Variants in NOD1 observed in about 807,000 individuals in gnomAD.
NOD1 encodes nucleotide binding oligomerization domain containing 1, also known as nucleotide-binding oligomerization domain-containing protein 1.
A neutral mutation model predicts 81.2 loss-of-function variants in NOD1; 70 were observed. The observed-to-expected ratio is 0.86, with a 90% CI of 0.71 to 1.05. The LOEUF is 1.05. NOD1 is among the 50% of genes least tolerant of loss of function. The probability of loss-of-function intolerance (pLI) is 0.00; values close to 1 mark genes in which losing one functional copy is unlikely to be tolerated. For synonymous variants in NOD1, 508 were observed against 526.9 expected (o/e 0.96, Z 0.49); for missense variants, 1,233 against 1,228.0 (o/e 1.00, Z -0.06).
Position 30,456,789 on chromosome 7 carries a change from G to A in NOD1, c.133C>T (p.Leu45=). ...RNTQCLVDNL[L]KNDYFSAEDA... Reference sequence around the variant, plus strand: ...TCGGCCGAGAAGTAGTCATTCTTCAGCAAGTTGTCCACCAGACACTGAGTA... The same window carrying A: ...TCGGCCGAGAAGTAGTCATTCTTCAACAAGTTGTCCACCAGACACTGAGTA... Residue 45 remains leucine (L), a synonymous_variant, in exon 4 of 14, where the codon CTG becomes TTG. Coordinates refer to ENST00000222823, the MANE Select transcript of NOD1 (RefSeq NM_006092.4). 1 of 1,614,204 alleles carries A rather than the reference G, an allele frequency of 6.2e-7. No individual in the cohort carries two copies. The highest frequency in any genetic ancestry group is 2.2e-5 in the East Asian group (1 of 44,888).
rs773711996 is a variant in NOD1, at chr7:30,452,184, T to G, written c.1233A>C (p.Ser411=). The change falls in exon 6 of 14, where the codon TCA becomes TCC. Residue 411 remains serine (S), a synonymous_variant. Transcript: ENST00000222823. The stretch of plus-strand genomic sequence containing the variant: ...TCATCGTGCAGTCGGGCAGCTGTGG[T>G]GAGCCTTCAAAGGCAGCACGGAAGT... ...FQHFRAAFEG[S]PQLPDCTMTL... 7 of 1,613,924 alleles carry G rather than the reference T, an allele frequency of 4.3e-6. No individual in the cohort carries two copies. The highest frequency in any genetic ancestry group is 5.9e-6 in the Non-Finnish European group (7 of 1,179,998).
chr7:30,461,102 G>A (rs1416730161), intron 1 of NOD1, among the ~76,000 whole-genome samples: 1 of 152,204 alleles, frequency 6.6e-6, no homozygotes, highest in Non-Finnish European at 1.5e-5. Context: ...ATGGACAGGT[G>A]AAATTAATTT....
intron 8 of NOD1, 78 bp downstream of exon 8, chr7:30,446,889 T>C: frequency 2.5e-6 from 3 of 1,180,674 alleles, no homozygotes; most frequent in Non-Finnish European, 3.7e-6. Flanking sequence ...AGCTCTTTAC[T>C]GTGACATTTA....
Position 30,451,651 on chromosome 7 carries a change from T to C in NOD1, c.1766A>G (p.Asn589Ser), listed in dbSNP as rs138046644. 89 of 1,613,496 alleles carry C rather than the reference T, an allele frequency of 5.5e-5. No homozygotes were observed. Among genetic ancestry groups the C allele is most frequent in the Middle Eastern group, 1.6e-4 (1 of 6,084 alleles). ...FKNKDHFQFT[N>S]LFLCGLLSKA... ...GGACAACAGCCCGCACAGGAAGAGG[T>C]TGGTGAACTGGAAGTGATCCTTGTT... The change falls in exon 6 of 14, where the codon AAC (asparagine) becomes AGC (serine). Residue 589 changes from asparagine (N) to serine (S), a missense_variant. Coordinates refer to ENST00000222823, the MANE Select transcript of NOD1 (RefSeq NM_006092.4). This position sits in a 1 kb window ranked among gnomAD's most constrained non-coding sequence, Gnocchi z 4.2.
intron 1 of NOD1, chr7:30,460,343 T>C (rs1303574819): frequency 2.0e-6 from 2 of 985,298 alleles, no homozygotes; most frequent in Non-Finnish European, 2.4e-6. Context: ...AATCCTTTCC[T>C]TTCTTTGCTT....
intron 10 of NOD1, 143 bp downstream of exon 10, chr7:30,437,430 T>C (rs962694807): frequency 4.0e-6 from 2 of 496,230 alleles, no homozygotes; most frequent in African/African-American, 4.1e-5. Context: ...CTCTTATGCA[T>C]CAAAGAAAGG....
At chr7:30,448,261 C>T (rs1785317389) in intron 7 of NOD1, 37 bp downstream of exon 7, 4 of 1,465,764 alleles carry the variant, frequency 2.7e-6, no homozygotes, top group Middle Eastern at 1.7e-4. Flanking sequence ...TGTATTATTA[C>T]TAGGTAGTTG....
chr7:30,459,561 A>C (rs1181662550), intron 2 of NOD1, among the ~76,000 whole-genome samples: 2 of 152,244 alleles, frequency 1.3e-5, no homozygotes, highest in East Asian at 3.8e-4. Context: ...TTTGCAATAC[A>C]TAGAAAGTAA....
chr7:30,451,791 C>T lies in NOD1; in HGVS notation c.1626G>A (p.Arg542=), dbSNP rs369263969. 6.2e-7 allele frequency: 1 copy of T among 1,613,810 alleles called. No individual in the cohort carries two copies. Among genetic ancestry groups the T allele is most frequent in the South Asian group, 1.1e-5 (1 of 91,080 alleles). ...DDRVGTQELL[R]FFQEWMPPAG... ...CAGGGGGCATCCACTCCTGGAAGAA[C>T]CTGAGCAGCTCCTGAGTGCCCACCC... The change falls in exon 6 of 14, where the codon AGG becomes AGA. Residue 542 remains arginine, a synonymous_variant. Transcript: ENST00000222823. The surrounding 1 kb of genome is among the most constrained non-coding windows in gnomAD (Gnocchi z 4.2).
At chr7:30,439,273 C>A (rs1204645695) in intron 9 of NOD1, among the ~76,000 whole-genome samples, 1 of 150,978 alleles carries the variant, frequency 6.6e-6, no homozygotes, top group Non-Finnish European at 1.5e-5. Flanking sequence ...CGAATAGGAA[C>A]AGCTCCGGTC....
chr7:30,476,554 G>T (rs978414570), intron 1 of NOD1, among the ~76,000 whole-genome samples: 1 of 152,224 alleles, frequency 6.6e-6, no homozygotes, highest in Admixed American at 6.5e-5. Flanking sequence ...GATGTTGTCA[G>T]CAGGGAGCAA....
chr7:30,464,425 C>T (rs2128092243), intron 1 of NOD1, among the ~76,000 whole-genome samples: 1 of 152,376 alleles, frequency 6.6e-6, no homozygotes, highest in South Asian at 2.1e-4. Flanking sequence ...AGCACTTCCT[C>T]ATGTCCGGCC....
At chr7:30,430,790 T>C (rs993054032) in intron 12 of NOD1, among the ~76,000 whole-genome samples, 2 of 152,212 alleles carry the variant, frequency 1.3e-5, no homozygotes, top group Non-Finnish European at 2.9e-5. Flanking sequence ...CTTGTCACTG[T>C]TACTGCCCAA....
At chr7:30,470,095 C>T (rs1029641189) in intron 1 of NOD1, among the ~76,000 whole-genome samples, 1 of 152,248 alleles carries the variant, frequency 6.6e-6, no homozygotes, top group Admixed American at 6.5e-5. Flanking sequence ...GTGAAGGACA[C>T]AGACTCTAAA....
At chr7:30,475,574 C>G (rs897738812) in intron 1 of NOD1, among the ~76,000 whole-genome samples, 5 of 152,198 alleles carry the variant, frequency 3.3e-5, no homozygotes, top group African/African-American at 1.2e-4. Flanking sequence ...GGGAACTCTG[C>G]CCCATTAGAG....
intron 12 of NOD1, among the ~76,000 whole-genome samples, chr7:30,432,475 T>C (rs4722985): frequency 0.28 from 42,515 of 152,106 alleles, 6,058 homozygotes; most frequent in Middle Eastern, 0.34. Context: ...GAAATTGGAA[T>C]CCACATACAT....
intron 1 of NOD1, among the ~76,000 whole-genome samples, chr7:30,469,764 G>C (rs1788073377): frequency 6.6e-6 from 1 of 152,232 alleles, no homozygotes; most frequent in Non-Finnish European, 1.5e-5. Context: ...GGAAAACAGA[G>C]GCCCTGGGCA....
At chr7:30,461,241 A>C (rs1057244639) in intron 1 of NOD1, among the ~76,000 whole-genome samples, 3 of 152,132 alleles carry the variant, frequency 2.0e-5, no homozygotes, top group African/African-American at 4.8e-5. Context: ...GCGGTGGCGC[A>C]ATCTCGGCTC....
In NOD1 at chr7:30,455,180, A is replaced by G. The variant is rs768379320; in HGVS notation, c.333T>C (p.Pro111=). The G allele has an allele frequency of 1.3e-4, 206 of 1,613,908 alleles. No homozygotes were observed. The highest frequency in any genetic ancestry group is 1.6e-4 in the Non-Finnish European group (185 of 1,180,012). ...CGACTTTGCTCTGAGTGAGCAGGGA[A>G]GGGGAGAAGCCGATCTCCAGCAGCC... ...RPWLLEIGFS[P]SLLTQSKVVV... is the part of the protein sequence containing the mutation. The change falls in exon 5 of 14, where the codon CCT becomes CCC. Residue 111 remains proline, a synonymous_variant. Transcript: ENST00000222823.
Sources: gnomAD v4.1 joint callset for allele counts (sites outside exome capture counted in the v4.1 genomes callset) on GRCh38, gnomAD v4.1.1 for gene constraint, Gnocchi (gnomAD v3.1) non-coding constraint, MANE v1.5 for transcripts, NCBI Gene and HGNC (gene_info 2026-07-23, HGNC 2026-07-21) for gene names.